Variants in KRT36 observed in about 807,000 individuals in gnomAD.
KRT36 encodes the protein keratin, type I cuticular Ha6.
KRT36 carries 41 observed loss-of-function variants against 43.0 expected under a neutral mutation model. The ratio of observed to expected loss-of-function variants is 0.95; its 90% CI spans 0.74 to 1.24. The LOEUF (loss-of-function observed/expected upper bound fraction) is 1.24. Among genes scored for constraint, KRT36 ranks in the 50% most tolerant of loss-of-function variants. The pLI, the probability that KRT36 is intolerant of heterozygous loss-of-function variation, is 0.00. For synonymous variants in KRT36, 277 were observed against 252.9 expected, an observed-to-expected ratio of 1.10 and a Z score of -0.90; for missense variants, 627 against 595.3, an observed-to-expected ratio of 1.05 and a Z score of -0.55.
At chr17:41,486,907 T>C (rs1234273120) in intron 6 of KRT36, 43 bp downstream of exon 6, 8 of 1,567,438 alleles carry the variant, frequency 5.1e-6, no homozygotes, top group Non-Finnish European at 7.0e-6. Flanking sequence ...CACATGGCAC[T>C]GAGGGTTCAG....
intron 5 of KRT36, 41 bp downstream of exon 5, chr17:41,487,310 G>C: frequency 6.3e-7 from 1 of 1,598,750 alleles, no homozygotes; most frequent in South Asian, 1.1e-5. Flanking sequence ...TCGGGGACCT[G>C]CCACAGGCCG....
chr17:41,489,549 T>C lies in KRT36; in HGVS notation c.316A>G (p.Asn106Asp), dbSNP rs200920576. ...AGCTGACGCACCTTCTCCAGGTAGT[T>C]GGCCAGGCGGTCGTTCAGGAACTGC... ...TMQFLNDRLA[N>D]YLEKVRQLER... The change falls in exon 1 of 7, where the codon AAC becomes GAC. Residue 106 changes from asparagine to aspartate, a missense_variant. Physicochemically the swap from Asn to Asp is conservative, Grantham distance 23. Coordinates refer to ENST00000328119, the MANE Select transcript of KRT36 (RefSeq NM_003771.5). The C allele has an allele frequency of 8.7e-6, 14 of 1,614,174 alleles. No homozygotes were observed. Among genetic ancestry groups the C allele is most frequent in the Non-Finnish European group, 2.5e-6 (3 of 1,180,040 alleles).
chr17:41,487,121 G>C lies in KRT36; in HGVS notation c.1037C>G (p.Ser346Cys). The C allele has an allele frequency of 6.2e-7, 1 of 1,614,190 alleles. No homozygotes were observed. Among genetic ancestry groups the C allele is most frequent in the Non-Finnish European group, 8.5e-7 (1 of 1,179,978 alleles). The part of the protein sequence containing the change: ...TLAETEARYS[S>C]QLAQMQCLIS... ...CAGGCACTGCATCTGGGCCAGCTGGGAGCTGTAGCGGGCCTCGGTTTCGGC... is the reference window on the plus strand; with the variant it reads ...CAGGCACTGCATCTGGGCCAGCTGGCAGCTGTAGCGGGCCTCGGTTTCGGC... Residue 346 changes from serine to cysteine, a missense_variant, in exon 6 of 7, where the codon TCC becomes TGC. Coordinates refer to ENST00000328119, the MANE Select transcript of KRT36 (RefSeq NM_003771.5).
At position 41,489,776 on chromosome 17, in the gene KRT36, G is replaced by A; in HGVS notation, c.89C>T (p.Ser30Phe). Residue 30 changes from serine to phenylalanine, a missense_variant, in exon 1 of 7, where the codon TCC (serine) becomes TTC (phenylalanine). Ser to Phe is a radical substitution (Grantham distance 155). Transcript: ENST00000328119. Reference protein sequence around the residue: ...GTAGGISRVSSIRSVGSCRVP... With the variant: ...GTAGGISRVSFIRSVGSCRVP... ...CCTGCAGGAGCCCACAGAACGGATG[G>A]AGGACACCCGAGAGATGCCGCCTGC... The A allele has an allele frequency of 2.5e-6, 4 of 1,613,872 alleles. No homozygotes were observed. The highest frequency in any genetic ancestry group is 2.5e-6 in the Non-Finnish European group (3 of 1,179,984).
rs759013654 is a variant in KRT36 at position 41,489,421 on chromosome 17, T to C, written c.444A>G (p.Glu148=). The C allele has an allele frequency of 6.2e-7, 1 of 1,613,280 alleles. No individual in the cohort carries two copies. The highest frequency in any genetic ancestry group is 8.5e-7 in the Non-Finnish European group (1 of 1,179,178). Residue 148 remains glutamate (E), a synonymous_variant, in exon 1 of 7, where the codon GAA becomes GAG. Coordinates refer to ENST00000328119, the MANE Select transcript of KRT36 (RefSeq NM_003771.5). ...TCTCCCTCACCTTCTGCTGGAAATC[T>C]TCGATGGTCTTGAAGTAGGACTGGT... ...PDYQSYFKTI[E]DFQQKILLTK...
intron 3 of KRT36, 65 bp downstream of exon 3, chr17:41,488,178 A>G: frequency 6.6e-7 from 1 of 1,520,566 alleles, no homozygotes; most frequent in Non-Finnish European, 9.0e-7. Flanking sequence ...AGAAAACTGA[A>G]AGCCCAGCAG....
Position 41,487,631 on chromosome 17 carries a change from T to C in KRT36, c.806A>G (p.Tyr269Cys). ...GCGGTTATTCTCCACCAGGGCCTCG[T>C]ACTGGCATCTCATATCCTCCAGGAT... ...NKILEDMRCQ[Y>C]EALVENNRRD... is the part of the protein sequence containing the mutation. The change falls in exon 4 of 7, where the codon TAC (tyrosine) becomes TGC (cysteine). Residue 269 changes from tyrosine to cysteine, a missense_variant. Transcript: ENST00000328119. 6.2e-7 allele frequency: 1 copy of C among 1,614,222 alleles called. No homozygotes were observed. Among genetic ancestry groups the C allele is most frequent in the South Asian group, 1.1e-5 (1 of 91,088 alleles).
In KRT36 at chr17:41,488,394, T is replaced by C; in HGVS notation, c.548A>G (p.Glu183Gly). 1 of 1,613,850 alleles carries C rather than the reference T, an allele frequency of 6.2e-7. No homozygotes were observed. The highest frequency in any genetic ancestry group is 8.5e-7 in the Non-Finnish European group (1 of 1,179,832). Residue 183 changes from glutamate (E) to glycine (G), a missense_variant, in exon 3 of 7, where the codon GAG becomes GGG. By Grantham distance (98) the Glu-to-Gly change is moderately conservative. Transcript: ENST00000328119. ...TAGCTGCCGCAGAGACAGCTCTGTC[T>C]CATACCTGCACACACAGAACCCTGC... is the stretch of plus-strand genomic sequence containing the variant. ...LAADDFRTKY[E>G]TELSLRQLVE...
At chr17:41,489,365 A>G in intron 1 of KRT36, 41 bp downstream of exon 1, 1 of 1,590,314 alleles carries the variant, frequency 6.3e-7, no homozygotes, top group Non-Finnish European at 8.6e-7. Context: ...GCCTCCTAAG[A>G]GTTGGGCTGC....
In KRT36 at chr17:41,488,419, C is replaced by T. The variant is rs767446881; in HGVS notation, c.543-20G>A. On this transcript the variant is annotated intron_variant, in intron 2 of 6. Coordinates refer to ENST00000328119, the MANE Select transcript of KRT36 (RefSeq NM_003771.5). ...TCATACCTGCACACACAGAACCCTG[C>T]CAAGTCTGCAGCAAAGGAAACCACA... The T allele has an allele frequency of 1.5e-5, 24 of 1,609,190 alleles. No individual in the cohort carries two copies. Among genetic ancestry groups the T allele is most frequent in the Non-Finnish European group, 2.0e-5 (24 of 1,176,452 alleles).
rs140841887 is a variant in KRT36 at position 41,487,014 on chromosome 17, C to A, written c.1144G>T (p.Val382Phe). The A allele has an allele frequency of 4.3e-6, 7 of 1,614,130 alleles. No homozygotes were observed. In the South Asian group the frequency reaches 6.6e-5, roughly 15 times the overall value. The part of the protein sequence containing the change: ...QNQEYQVLLD[V>F]KARLEGEIAT... ...ATCTCGCCCTCCAGCCGGGCCTTGA[C>A]GTCCAGTAACACCTGGTACTCCTGG... The change falls in exon 6 of 7, where the codon GTC becomes TTC. Residue 382 changes from valine to phenylalanine, a missense_variant. Val to Phe is a conservative substitution (Grantham distance 50). Coordinates refer to ENST00000328119, the MANE Select transcript of KRT36 (RefSeq NM_003771.5).
At position 41,487,044 on chromosome 17, in the gene KRT36, G is replaced by A. The variant is rs1904405269; in HGVS notation, c.1114C>T (p.Gln372Ter). The A allele has an allele frequency of 6.2e-7, 1 of 1,614,224 alleles. No individual in the cohort carries two copies. Among genetic ancestry groups the A allele is most frequent in the Non-Finnish European group, 8.5e-7 (1 of 1,180,034 alleles). The change falls in exon 6 of 7, where the codon CAG becomes TAG. Residue 372 changes from glutamine (Q) to a stop codon, truncating the protein, a stop_gained. Coordinates refer to ENST00000328119, the MANE Select transcript of KRT36 (RefSeq NM_003771.5). LOFTEE classifies it high-confidence loss of function. ...LSEIRCDLER[Q>*]NQEYQVLLDV... is the part of the protein sequence containing the mutation. ...AGTAACACCTGGTACTCCTGGTTCT[G>A]CCGCTCCAGGTCGCAGCGGATCTCA...
In KRT36 at chr17:41,486,976, G is replaced by A. The variant is rs1904400893; in HGVS notation, c.1182C>T (p.Arg394=). ...TGCAGTCCTCTCCCTCCAGCAGGTG[G>A]CGGTAGGTAGCGATCTCGCCCTCCA... The part of the protein sequence containing the change: ...ARLEGEIATY[R]HLLEGEDCKL... Residue 394 remains arginine, a synonymous_variant, in exon 6 of 7, where the codon CGC becomes CGT. Transcript: ENST00000328119. 1.2e-6 allele frequency: 2 copies of A among 1,613,242 alleles called. No individual in the cohort carries two copies. Among genetic ancestry groups the A allele is most frequent in the Non-Finnish European group, 8.5e-7 (1 of 1,179,960 alleles).
intron 6 of KRT36, 43 bp downstream of exon 6, chr17:41,486,907 T>G: frequency 6.4e-7 from 1 of 1,567,438 alleles, no homozygotes; most frequent in Non-Finnish European, 8.7e-7. Context: ...CACATGGCAC[T>G]GAGGGTTCAG....
intron 3 of KRT36, 103 bp downstream of exon 3, chr17:41,488,140 C>A: frequency 9.3e-7 from 1 of 1,075,996 alleles, no homozygotes; most frequent in Non-Finnish European, 1.4e-6. Context: ...GAATGAAATG[C>A]AAGGCCTTTG....
In KRT36 at chr17:41,487,055, TCG is replaced by T. The variant is rs1904406192; in HGVS notation, c.1101_1102del (p.Cys367Ter). ...GTACTCCTGGTTCTGCCGCTCCAGGTCGCAGCGGATCTCAGACAGCTGGGCCT... is the reference window on the plus strand; with the variant it reads ...GTACTCCTGGTTCTGCCGCTCCAGGTCAGCGGATCTCAGACAGCTGGGCCT... On this transcript the variant is annotated stop_gained and frameshift_variant, in exon 6 of 7. Transcript: ENST00000328119. LOFTEE classifies it high-confidence loss of function. The T allele has an allele frequency of 6.2e-7, 1 of 1,614,072 alleles. No individual in the cohort carries two copies. Among genetic ancestry groups the T allele is most frequent in the Non-Finnish European group, 8.5e-7 (1 of 1,180,032 alleles).
intron 1 of KRT36, among the ~76,000 whole-genome samples, 180 bp downstream of exon 1, chr17:41,489,226 A>C (rs1482427821): frequency 1.3e-5 from 2 of 152,186 alleles, no homozygotes; most frequent in African/African-American, 4.8e-5. Flanking sequence ...AACAAGGTAC[A>C]AGCAAGAGAC....
chr17:41,489,845 G>T lies in KRT36; in HGVS notation c.20C>A (p.Thr7Asn). ...GATAGACCCAGTGGAGAAGGTAGGGGTGCAGGTCTGGGTGGCCATGGTGCT... is the reference window on the plus strand; with the variant it reads ...GATAGACCCAGTGGAGAAGGTAGGGTTGCAGGTCTGGGTGGCCATGGTGCT... MATQTC[T>N]PTFSTGSIKG... The change falls in exon 1 of 7, where the codon ACC becomes AAC. Residue 7 changes from threonine (T) to asparagine (N), a missense_variant. Thr to Asn is a moderately conservative substitution (Grantham distance 65). Coordinates refer to ENST00000328119, the MANE Select transcript of KRT36 (RefSeq NM_003771.5). The T allele has an allele frequency of 6.2e-7, 1 of 1,612,762 alleles. No homozygotes were observed. Among genetic ancestry groups the T allele is most frequent in the Non-Finnish European group, 8.5e-7 (1 of 1,179,490 alleles).
rs150827736 is a variant in KRT36 at position 41,486,419 on chromosome 17, T to C, written c.1361A>G (p.Lys454Arg). Residue 454 changes from lysine (K) to arginine (R), a missense_variant, in exon 7 of 7, where the codon AAA (lysine) becomes AGA (arginine). Lys to Arg is a conservative substitution (Grantham distance 26, BLOSUM62 2). Coordinates refer to ENST00000328119, the MANE Select transcript of KRT36 (RefSeq NM_003771.5). ...RTITEEIRDGKVISSREHVQS... is the reference protein window; with the variant it reads ...RTITEEIRDGRVISSREHVQS... ...CACGTGCTCCCTGGAGGAGATGACTTTCCCATCTCTGATCTCCTCGGTGAT... is the reference window on the plus strand; with the variant it reads ...CACGTGCTCCCTGGAGGAGATGACTCTCCCATCTCTGATCTCCTCGGTGAT... 20 of 1,613,964 alleles carry C rather than the reference T, an allele frequency of 1.2e-5. No homozygotes were observed. Among genetic ancestry groups the C allele is most frequent in the Non-Finnish European group, 1.5e-5 (18 of 1,180,020 alleles).
Sources: allele counts gnomAD v4.1 joint callset (sites outside exome capture counted in the v4.1 genomes callset), GRCh38; gene constraint gnomAD v4.1.1; transcripts MANE v1.5; gene names NCBI Gene and HGNC (gene_info 2026-07-23, HGNC 2026-07-21).